The following CPT1C variants were observed in gnomAD, a reference collection of about 807,000 sequenced individuals.
CPT1C encodes the protein carnitine palmitoyltransferase 1C, also known as palmitoyl thioesterase CPT1C.
In CPT1C, 61 loss-of-function variants were observed where a neutral mutation model predicts 97.3. The observed-to-expected ratio is 0.63, with a 90% confidence interval of 0.51 to 0.78. CPT1C has a LOEUF of 0.78. Among genes scored for constraint, CPT1C ranks in the 30% least tolerant of loss-of-function variants. The pLI is 0.00. For synonymous variants in CPT1C, 469 were observed against 447.2 expected, an observed-to-expected ratio of 1.05 and a Z score of -0.61; for missense variants, 975 against 1,065.5, an observed-to-expected ratio of 0.92 and a Z score of 1.18.
At position 49,691,880 on chromosome 19, in the gene CPT1C, G is replaced by A; in HGVS notation, c.-24G>A. Reference sequence around the variant, plus strand: ...CGGGTCTACAAACCAGGACCCTCAAGACCCTTCAGGTGCTTAGAGAAGGAT... The same window carrying A: ...CGGGTCTACAAACCAGGACCCTCAAAACCCTTCAGGTGCTTAGAGAAGGAT... On this transcript the variant is annotated 5_prime_UTR_variant, in exon 2 of 20. Transcript: ENST00000598293. 4.7e-6 allele frequency: 1 copy of A among 211,832 alleles called. No homozygotes were observed. The highest frequency in any genetic ancestry group is 2.3e-5 in the African/African-American group (1 of 43,146). 13.1% of individuals were successfully genotyped at this position (211,832 alleles called of 1,614,324 possible). A position where few individuals can be genotyped will look rare whatever the true frequency, so the allele number is the denominator to read the frequency against.
intron 5 of CPT1C, among the ~76,000 whole-genome samples, 185 bp from the exon 6 acceptor site, chr19:49,701,132 T>G (rs2083020889): frequency 6.8e-6 from 1 of 146,034 alleles, no homozygotes; most frequent in Non-Finnish European, 1.5e-5. Flanking sequence ...TCTGGGTCTC[T>G]GTCCCCCTCT....
rs201085193 is a variant in CPT1C at position 49,706,196 on chromosome 19, G to T, written c.1161-35G>T. On this transcript the variant is annotated intron_variant, in intron 11 of 19. Coordinates refer to ENST00000598293, the MANE Select transcript of CPT1C (RefSeq NM_001199753.2). This position sits in a 1 kb window ranked among gnomAD's most constrained non-coding sequence, Gnocchi z 4.8. The stretch of plus-strand genomic sequence containing the variant: ...CAGGGTGGGGCCAGGTGGCGGCTGG[G>T]CAGGATGGACTCAGGCACATCCCGG... The T allele has an allele frequency of 7.8e-5, 121 of 1,543,614 alleles. 1 individual carries two copies. In the South Asian group the frequency reaches 1.4e-3, roughly 18 times the overall value.
chr19:49,693,788 G>T (rs186802940), intron 3 of CPT1C, among the ~76,000 whole-genome samples: 30 of 152,198 alleles, frequency 2.0e-4, no homozygotes, highest in African/African-American at 6.0e-4. Flanking sequence ...GTCGGGCACG[G>T]TGGCTCATGC....
At chr19:49,711,576 G>T in intron 16 of CPT1C, 2 of 566,864 alleles carry the variant, frequency 3.5e-6, no homozygotes, top group South Asian at 4.3e-5. Flanking sequence ...CATGGAAGGA[G>T]TTTGGACTCT....
rs767598885 is a variant in CPT1C at position 49,710,498 on chromosome 19, C to G, written c.1731+14C>G. ...GCCCACTTCCGGGTCAGTTGGGTTC[C>G]CCATCCACAGCCCCCGCAGGGTCTC... On this transcript the variant is annotated intron_variant, in intron 15 of 19. Coordinates refer to ENST00000598293, the MANE Select transcript of CPT1C (RefSeq NM_001199753.2). The G allele has an allele frequency of 3.1e-6, 5 of 1,614,116 alleles. No homozygotes were observed. Among genetic ancestry groups the G allele is most frequent in the Non-Finnish European group, 4.2e-6 (5 of 1,180,016 alleles).
intron 7 of CPT1C, among the ~76,000 whole-genome samples, chr19:49,703,862 G>C (rs1407104947): frequency 6.6e-6 from 1 of 151,810 alleles, no homozygotes; most frequent in Non-Finnish European, 1.5e-5. Context: ...CAAACTCCGA[G>C]GCTCAAGCTA....
At chr19:49,695,910 G>T (rs1252546999) in intron 3 of CPT1C, among the ~76,000 whole-genome samples, 2 of 151,104 alleles carry the variant, frequency 1.3e-5, no homozygotes, top group African/African-American at 4.9e-5. Context: ...TCACTCTGTT[G>T]CTGTTGCCCA....
At chr19:49,712,405 T>TG (rs2083949652) in intron 17 of CPT1C, 14 of 332,220 alleles carry the variant, frequency 4.2e-5, no homozygotes, top group East Asian at 6.9e-5. Context: ...AAGTCAGTTG[T>TG]GGGGGGGCGG....
chr19:49,694,664 G>A (rs2082559717), intron 3 of CPT1C, among the ~76,000 whole-genome samples: 1 of 150,758 alleles, frequency 6.6e-6, no homozygotes, highest in African/African-American at 2.4e-5. Context: ...GGAGCCGGCG[G>A]CCAGGAGGAT....
rs1481873936 is a variant in CPT1C at position 49,701,944 on chromosome 19, TTATA to T, written c.693+315_693+318del. ...TATACAAATATTAATATTTATAAATTTATATATAAATATATTTATATATAAATTT... is the reference window on the plus strand; with the variant it reads ...TATACAAATATTAATATTTATAAATTTATAAATATATTTATATATAAATTT... On this transcript the variant is annotated intron_variant, in intron 7 of 19. Transcript: ENST00000598293. Among the ~76,000 whole-genome samples the T allele has an allele frequency of 2.2e-5, 2 of 90,552 alleles. 1 individual carries two copies. The highest frequency in any genetic ancestry group is 3.9e-5 in the Non-Finnish European group (2 of 51,142). 59.4% of individuals were successfully genotyped at this position (90,552 alleles called of 152,430 possible). A position where few individuals can be genotyped will look rare whatever the true frequency, so the allele number is the denominator to read the frequency against.
chr19:49,703,009 T>C (rs918719994), intron 7 of CPT1C, among the ~76,000 whole-genome samples: 3 of 151,992 alleles, frequency 2.0e-5, no homozygotes, highest in African/African-American at 7.2e-5. Flanking sequence ...TAAAAGGGAA[T>C]GCAGGCCTTG....
chr19:49,710,864 G>A lies in CPT1C; in HGVS notation c.1866+7G>A, dbSNP rs1444498499. The A allele has an allele frequency of 6.2e-7, 1 of 1,603,692 alleles. No individual in the cohort carries two copies. The highest frequency in any genetic ancestry group is 1.7e-5 in the Admixed American group (1 of 59,168). ...GGAGGACAAAGAGAAGACGGTGGGT[G>A]CAGCCCTCGCTTGAGGCTTCAGTTA... On this transcript the variant is annotated splice_region_variant and intron_variant, in intron 16 of 19. Transcript: ENST00000598293.
At chr19:49,699,457 T>TAAAAAAAAAAA (rs71180647) in intron 4 of CPT1C, among the ~76,000 whole-genome samples, 4 of 35,252 alleles carry the variant, frequency 1.1e-4, no homozygotes, top group Non-Finnish European at 1.6e-4. Context: ...CCCCTGTCTC[T>TAAAAAAAAAAA]AAAAAAAAAA....
chr19:49,707,064 C>T (rs2123432489), intron 12 of CPT1C, among the ~76,000 whole-genome samples: 1 of 152,254 alleles, frequency 6.6e-6, no homozygotes, highest in Non-Finnish European at 1.5e-5. Flanking sequence ...CACCTGAGAT[C>T]AGGAGTTTGA....
chr19:49,703,994 C>T (rs887369447), intron 7 of CPT1C, among the ~76,000 whole-genome samples: 4 of 151,834 alleles, frequency 2.6e-5, no homozygotes, highest in Admixed American at 1.3e-4. Flanking sequence ...TTTTTATGTA[C>T]AACAACAACA....
chr19:49,701,713 C>A, intron 7 of CPT1C, 79 bp downstream of exon 7: 1 of 1,447,942 alleles, frequency 6.9e-7, no homozygotes, highest in Non-Finnish European at 9.2e-7. Context: ...GCGAGTTATA[C>A]GCCCTGCCCC....
upstream of CPT1C, chr19:49,690,777 T>A (rs2082318231): frequency 2.9e-6 from 1 of 343,236 alleles, no homozygotes; most frequent in South Asian, 8.9e-5. This position sits in a 1 kb window ranked among gnomAD's most constrained non-coding sequence, Gnocchi z 4.4. Context: ...CCCCCAAACA[T>A]CCCTCCTCCC....
At chr19:49,709,207 T>G (rs1420109951) in intron 14 of CPT1C, among the ~76,000 whole-genome samples, 1 of 151,218 alleles carries the variant, frequency 6.6e-6, no homozygotes, top group African/African-American at 2.4e-5. Context: ...CTGAATTCAT[T>G]CCCATGTTCA....
rs747325421 is a variant in CPT1C at position 49,704,679 on chromosome 19, C to A, written c.694-31C>A. 4 of 1,591,652 alleles carry A rather than the reference C, an allele frequency of 2.5e-6. No individual in the cohort carries two copies. The South Asian group carries it at 4.4e-5, about 18-fold the overall frequency. ...TCCCTCCCCCAACAGGCCCCAGCCC[C>A]TCACTGTGTGTCTCCCCACCCCGCT... On this transcript the variant is annotated intron_variant, in intron 7 of 19. Transcript: ENST00000598293.
Sources: allele counts gnomAD v4.1 joint callset (sites outside exome capture counted in the v4.1 genomes callset), GRCh38; gene constraint gnomAD v4.1.1; non-coding constraint Gnocchi (gnomAD v3.1); transcripts MANE v1.5; gene names NCBI Gene and HGNC (gene_info 2026-07-23, HGNC 2026-07-21).